TUT7: variants seen among roughly 807,000 people sequenced by gnomAD.
TUT7 encodes terminal uridylyl transferase 7.
Under a neutral mutation model 165.9 loss-of-function variants are expected in TUT7, and 33 were observed. The ratio of observed to expected loss-of-function variants is 0.20; its 90% CI spans 0.15 to 0.27. The LOEUF is 0.27. TUT7 is among the 10% of genes least tolerant of loss of function. The pLI is 1.00. For synonymous variants in TUT7, 552 were observed against 608.1 expected (o/e 0.91, Z 1.36); for missense variants, 1,338 against 1,762.3 (o/e 0.76, Z 4.31).
In TUT7 at chr9:86,347,820, T is replaced by TC. The variant is rs1194557887; in HGVS notation, c.521-1341dup. ...TACCTTAATATTTCCTTTTTAATAC[T>TC]CCCCCGACTCCCAATTAAATTATCA... On this transcript the variant is annotated intron_variant, in intron 2 of 26. Coordinates refer to ENST00000375963, the MANE Select transcript of TUT7 (RefSeq NM_024617.4). Among the ~76,000 whole-genome samples the TC allele has an allele frequency of 2.0e-5, 3 of 152,178 alleles. No individual in the cohort carries two copies. The South Asian group carries it at 6.2e-4, about 32-fold the overall frequency.
At chr9:86,310,086 T>G (rs1174783906) in intron 18 of TUT7, 69 bp from the exon 19 acceptor site, 4 of 1,321,020 alleles carry the variant, frequency 3.0e-6, no homozygotes, top group South Asian at 2.6e-5. Context: ...TTTTTTTGGT[T>G]GTTGTTTTAA....
intron 15 of TUT7, 31 bp downstream of exon 15, chr9:86,319,553 T>C: frequency 6.8e-7 from 1 of 1,479,194 alleles, no homozygotes; most frequent in Non-Finnish European, 9.2e-7. Context: ...GTTACACTAC[T>C]TTTCTTAAAA....
At chr9:86,326,380 T>C (rs1020001637) in intron 11 of TUT7, 1 of 154,748 alleles carries the variant, frequency 6.5e-6, no homozygotes, top group African/African-American at 2.4e-5. Context: ...CCTCATAGGG[T>C]TGTTGGGAGG....
chr9:86,312,153 A>G (rs373414933), intron 17 of TUT7, among the ~76,000 whole-genome samples: 14 of 146,598 alleles, frequency 9.5e-5, no homozygotes, highest in South Asian at 6.5e-4. Context: ...CTGCCCGGCC[A>G]CCATCCCATC....
At chr9:86,324,293 A>G (rs1829591603) in intron 12 of TUT7, 1 of 168,132 alleles carries the variant, frequency 5.9e-6, no homozygotes, top group African/African-American at 2.4e-5. Context: ...AGATCTTCCC[A>G]CCAGGCTCTG....
chr9:86,303,330 A>G (rs1827125909), intron 24 of TUT7, 129 bp from the exon 25 acceptor site: 2 of 509,608 alleles, frequency 3.9e-6, no homozygotes, highest in East Asian at 3.1e-5. Context: ...AATATTATTT[A>G]TACTGCTTAA....
Position 86,323,129 on chromosome 9 carries a change from G to C in TUT7, c.2621C>G (p.Ala874Gly). 6.2e-7 allele frequency: 1 copy of C among 1,614,110 alleles called. No homozygotes were observed. Among genetic ancestry groups the C allele is most frequent in the Non-Finnish European group, 8.5e-7 (1 of 1,180,020 alleles). The change falls in exon 13 of 27, where the codon GCT (alanine) becomes GGT (glycine). Residue 874 changes from alanine to glycine, a missense_variant. Ala to Gly is a moderately conservative substitution (Grantham distance 60). This residue lies in a region of TUT7 where 425 missense variants were observed against 474.9 expected (regional missense o/e 0.89). Transcript: ENST00000375963. Reference protein sequence around the residue: ...INQREDEDGMANEDELDNTYT... With the variant: ...INQREDEDGMGNEDELDNTYT... ...GGTGTTGTCTAACTCATCTTCATTA[G>C]CCATGCCATCTTCATCTTCCCTTTG...
intron 8 of TUT7, 64 bp downstream of exon 8, chr9:86,339,972 A>C: frequency 1.6e-6 from 2 of 1,214,816 alleles, no homozygotes; most frequent in Non-Finnish European, 2.4e-6. Flanking sequence ...ATTAAGATGT[A>C]GTAAAGTACT....
At position 86,330,146 on chromosome 9, in the gene TUT7, C is replaced by A. The variant is rs112540662; in HGVS notation, c.1456-1654G>T. Among the ~76,000 whole-genome samples, 3 of 152,266 alleles carry A rather than the reference C, an allele frequency of 2.0e-5. No homozygotes were observed. The East Asian group carries it at 5.8e-4, about 29-fold the overall frequency. ...GATCTCGGCTCACTGCAACCTCTAC[C>A]TCCTGGGTTGAAGCGATTCTCCTGC... On this transcript the variant is annotated intron_variant, in intron 10 of 26. Coordinates refer to ENST00000375963, the MANE Select transcript of TUT7 (RefSeq NM_024617.4).
chr9:86,322,874 T>C lies in TUT7; in HGVS notation c.2876A>G (p.Lys959Arg). The C allele has an allele frequency of 6.3e-7, 1 of 1,588,532 alleles. No individual in the cohort carries two copies. Among genetic ancestry groups the C allele is most frequent in the Non-Finnish European group, 8.6e-7 (1 of 1,169,332 alleles). Residue 959 changes from lysine (K) to arginine (R), a missense_variant and splice_region_variant, in exon 13 of 27, where the codon AAG (lysine) becomes AGG (arginine). Around this residue, in one of 7 missense-constraint regions of TUT7, gnomAD observed 425 missense variants for 474.9 expected, o/e 0.89. Coordinates refer to ENST00000375963, the MANE Select transcript of TUT7 (RefSeq NM_024617.4). ...ATGACTAGTGGTGGTACTGATTACCTTGCCTTTGGTGAAGATAAGTTTACT... is the reference window on the plus strand; with the variant it reads ...ATGACTAGTGGTGGTACTGATTACCCTGCCTTTGGTGAAGATAAGTTTACT... ...EFSKLIFTKGKSPTVVCSLCK... is the reference protein window; with the variant it reads ...EFSKLIFTKGRSPTVVCSLCK...
intron 3 of TUT7, 41 bp downstream of exon 3, chr9:86,346,258 A>T: frequency 1.9e-6 from 3 of 1,580,712 alleles, no homozygotes; most frequent in Non-Finnish European, 2.6e-6. Context: ...TGAGGCTAAA[A>T]CCAGGATTCT....
chr9:86,291,463 C>T (rs568472189), intron 26 of TUT7, among the ~76,000 whole-genome samples: 10 of 150,840 alleles, frequency 6.6e-5, no homozygotes, highest in East Asian at 2.0e-4. Flanking sequence ...CCCAGCCATT[C>T]GAGAGACAGG....
Position 86,323,112 on chromosome 9 carries a change from C to T in TUT7, c.2638G>A (p.Asp880Asn). 6.2e-7 allele frequency: 1 copy of T among 1,614,204 alleles called. No homozygotes were observed. Among genetic ancestry groups the T allele is most frequent in the Non-Finnish European group, 8.5e-7 (1 of 1,180,034 alleles). ...TCCCCTGACCCAGTGTAGGTGTTGT[C>T]TAACTCATCTTCATTAGCCATGCCA... ...EDGMANEDEL[D>N]NTYTGSGDED... Residue 880 changes from aspartate (D) to asparagine (N), a missense_variant, in exon 13 of 27, where the codon GAC (aspartate) becomes AAC (asparagine). Asp to Asn is a conservative substitution (Grantham distance 23). Around this residue, in one of 7 missense-constraint regions of TUT7, gnomAD observed 425 missense variants for 474.9 expected, o/e 0.89. Coordinates refer to ENST00000375963, the MANE Select transcript of TUT7 (RefSeq NM_024617.4).
intron 17 of TUT7, among the ~76,000 whole-genome samples, chr9:86,312,821 C>T (rs1255695382): frequency 6.6e-6 from 1 of 152,166 alleles, no homozygotes; most frequent in Non-Finnish European, 1.5e-5. Context: ...ACCCCCAACC[C>T]TGTGCTCTCT....
chr9:86,324,908 G>T (rs1345766689), intron 12 of TUT7, among the ~76,000 whole-genome samples: 1 of 152,186 alleles, frequency 6.6e-6, no homozygotes, highest in Non-Finnish European at 1.5e-5. Flanking sequence ...ATCCAATGGA[G>T]AATGACATTT....
Position 86,309,911 on chromosome 9 carries a change from A to G in TUT7, c.3468+17T>C, listed in dbSNP as rs570753055. The G allele has an allele frequency of 1.2e-6, 2 of 1,602,778 alleles. No homozygotes were observed. Among genetic ancestry groups the G allele is most frequent in the South Asian group, 2.2e-5 (2 of 90,364 alleles). On this transcript the variant is annotated intron_variant, in intron 19 of 26. Transcript: ENST00000375963. The stretch of plus-strand genomic sequence containing the variant: ...CAATGAAATTTCCTGATAAGTCACA[A>G]TAGGAAGCATACTCACCTTTGTAAA...
Position 86,352,992 on chromosome 9 carries a change from A to T in TUT7, c.208T>A (p.Cys70Ser), listed in dbSNP as rs375238747. The T allele has an allele frequency of 9.9e-5, 160 of 1,614,068 alleles. No individual in the cohort carries two copies. Among genetic ancestry groups the T allele is most frequent in the Non-Finnish European group, 1.3e-4 (149 of 1,180,048 alleles). ...GCATATGGATTGCTGGAAACAGCAC[A>T]TGGTCCTTTTCTGGGGGTATTCCCA... ...NYGNTPRKGPCAVSSNPYAFK... is the reference protein window; with the variant it reads ...NYGNTPRKGPSAVSSNPYAFK... The change falls in exon 2 of 27, where the codon TGT (cysteine) becomes AGT (serine). Residue 70 changes from cysteine to serine, a missense_variant. Around this residue, in one of 7 missense-constraint regions of TUT7, gnomAD observed 434 missense variants for 480.8 expected, o/e 0.90. Transcript: ENST00000375963.
chr9:86,352,604 C>A, intron 2 of TUT7, 76 bp downstream of exon 2: 1 of 1,558,000 alleles, frequency 6.4e-7, no homozygotes, highest in Non-Finnish European at 8.8e-7. Context: ...CTGAAAATAA[C>A]AAAACTCATT....
At chr9:86,350,095 G>A (rs1832139287) in intron 2 of TUT7, among the ~76,000 whole-genome samples, 3 of 152,104 alleles carry the variant, frequency 2.0e-5, no homozygotes, top group African/African-American at 4.8e-5. Flanking sequence ...ACTTTGGGAC[G>A]TCAAGGCAGG....
Sources: allele counts gnomAD v4.1 joint callset (sites outside exome capture counted in the v4.1 genomes callset), GRCh38; gene constraint gnomAD v4.1.1; regional missense constraint gnomAD v4.1.1; transcripts MANE v1.5; gene names NCBI Gene and HGNC (gene_info 2026-07-23, HGNC 2026-07-21).